The following LINGO2 variants were observed in gnomAD, a reference collection of about 807,000 sequenced individuals.
The protein encoded by LINGO2 is leucine-rich repeat and immunoglobulin-like domain-containing nogo receptor-interacting protein 2.
In LINGO2, 14 loss-of-function variants were observed where a neutral mutation model predicts 30.6. That is an observed-to-expected ratio of 0.46 (90% CI 0.30 to 0.72). The LOEUF (loss-of-function observed/expected upper bound fraction) is 0.72. Ranked by LOEUF, LINGO2 falls within the 30% of genes least tolerant of loss-of-function variation. The pLI, the probability that LINGO2 is intolerant of heterozygous loss-of-function variation, is 0.07. For missense variants in LINGO2, 729 were observed against 751.7 expected, an observed-to-expected ratio of 0.97 and a Z score of 0.35; for synonymous variants, 317 against 288.5, an observed-to-expected ratio of 1.10 and a Z score of -1.00.
At chr9:29,050,338 C>T in the LINGO2 span, among the ~76,000 whole-genome samples, 1 of 152,144 alleles carries the variant, frequency 6.6e-6, no homozygotes, top group Non-Finnish European at 1.5e-5. Context: ...GCGCTTATTT[C>T]ACATTGTATG....
the LINGO2 span, among the ~76,000 whole-genome samples, chr9:28,867,232 A>G: frequency 6.6e-6 from 1 of 152,182 alleles, no homozygotes; most frequent in African/African-American, 2.4e-5. Context: ...AAAAAGAATG[A>G]AAATAGTAGA....
intron 1 of LINGO2, among the ~76,000 whole-genome samples, chr9:28,554,414 A>G (rs1248100207): frequency 7.2e-6 from 1 of 138,310 alleles, no homozygotes; most frequent in African/African-American, 2.8e-5. Context: ...GCCATTACAT[A>G]ATGGTAGAGG....
intron 5 of LINGO2, among the ~76,000 whole-genome samples, chr9:28,002,458 CA>C (rs915784671): frequency 2.0e-4 from 30 of 152,078 alleles, no homozygotes; most frequent in Non-Finnish European, 3.1e-4. Context: ...GGAACTTATT[CA>C]AAAAAATTCT....
intron 2 of LINGO2, among the ~76,000 whole-genome samples, chr9:28,386,033 C>A (rs969639310): frequency 6.6e-6 from 1 of 152,192 alleles, no homozygotes; most frequent in Non-Finnish European, 1.5e-5. Flanking sequence ...AGCATGAAAT[C>A]TTCTTTCCAA....
chr9:28,238,578 G>A (rs1026291391), intron 4 of LINGO2, among the ~76,000 whole-genome samples: 3 of 151,940 alleles, frequency 2.0e-5, no homozygotes, highest in Non-Finnish European at 2.9e-5. Flanking sequence ...AAAGGAAATT[G>A]GAATTTTTTT....
chr9:29,073,077 G>C, the LINGO2 span, among the ~76,000 whole-genome samples: 1 of 151,132 alleles, frequency 6.6e-6, no homozygotes, highest in Non-Finnish European at 1.5e-5. Context: ...CTGTGTCCCT[G>C]AATTTATCTA....
In LINGO2 at chr9:27,955,935, CTT is replaced by C. The variant is rs532878364; in HGVS notation, c.-35-5231_-35-5230del. 4.0e-3 allele frequency among the ~76,000 whole-genome samples: 426 copies of C among 106,762 alleles called. 1 individual carries two copies. The highest frequency in any genetic ancestry group is 0.011 in the African/African-American group (340 of 30,542). 70.0% of individuals were successfully genotyped at this position (106,762 alleles called of 152,430 possible). The stretch of plus-strand genomic sequence containing the variant: ...ATATCCCCTTCGACATGGATACTGA[CTT>C]TTTTTTTTTTTTTTTTTTTGAGACG... On this transcript the variant is annotated intron_variant, in intron 5 of 5. Transcript: ENST00000379992.
intron 1 of LINGO2, among the ~76,000 whole-genome samples, chr9:28,556,501 A>G (rs1177193259): frequency 2.0e-5 from 3 of 152,140 alleles, no homozygotes; most frequent in Non-Finnish European, 4.4e-5. Flanking sequence ...AAAAGAGGAT[A>G]CAAACAAATG....
chr9:28,203,249 C>T (rs1288421789), intron 4 of LINGO2, among the ~76,000 whole-genome samples: 3 of 152,136 alleles, frequency 2.0e-5, no homozygotes, highest in Non-Finnish European at 4.4e-5. Flanking sequence ...ATTCATGTAA[C>T]TACTTGAGAG....
chr9:28,920,296 TAA>T, the LINGO2 span, among the ~76,000 whole-genome samples: 2 of 151,616 alleles, frequency 1.3e-5, no homozygotes, highest in African/African-American at 2.4e-5. Context: ...AGGACTAGTA[TAA>T]TATATATATA....
intron 4 of LINGO2, among the ~76,000 whole-genome samples, chr9:28,165,908 G>C (rs1828414453): frequency 6.6e-6 from 1 of 152,064 alleles, no homozygotes; most frequent in African/African-American, 2.4e-5. Flanking sequence ...AAGAGAAAAG[G>C]GGAGCTAAAA....
the LINGO2 span, among the ~76,000 whole-genome samples, chr9:29,014,356 G>T: frequency 6.6e-6 from 1 of 152,116 alleles, no homozygotes; most frequent in African/African-American, 2.4e-5. Flanking sequence ...TGACACCACT[G>T]CACTTGCCTA....
the LINGO2 span, among the ~76,000 whole-genome samples, chr9:28,987,675 A>T: frequency 8.5e-5 from 13 of 152,140 alleles, no homozygotes; most frequent in African/African-American, 3.1e-4. Flanking sequence ...ATAAGCATTT[A>T]TTGTTATAAA....
At chr9:28,525,362 A>G (rs112804297) in intron 1 of LINGO2, among the ~76,000 whole-genome samples, 18 of 152,312 alleles carry the variant, frequency 1.2e-4, no homozygotes, top group African/African-American at 4.1e-4. Context: ...CACCCATGAA[A>G]AACTTGTACA....
At chr9:28,973,775 T>A in the LINGO2 span, among the ~76,000 whole-genome samples, 7 of 152,182 alleles carry the variant, frequency 4.6e-5, no homozygotes, top group African/African-American at 1.2e-4. Flanking sequence ...ACTTTTACCT[T>A]ATAATAGTGT....
the LINGO2 span, among the ~76,000 whole-genome samples, chr9:28,954,950 T>C: frequency 6.6e-6 from 1 of 152,188 alleles, no homozygotes; most frequent in South Asian, 2.1e-4. Flanking sequence ...ACCCCATACC[T>C]GGGACTGTAA....
intron 1 of LINGO2, among the ~76,000 whole-genome samples, chr9:28,587,576 C>T (rs1000198804): frequency 2.0e-5 from 3 of 151,740 alleles, no homozygotes; most frequent in South Asian, 2.1e-4. Flanking sequence ...GCTTAGTATG[C>T]GATGGGTATG....
intron 4 of LINGO2, among the ~76,000 whole-genome samples, chr9:28,096,975 C>G (rs1336492134): frequency 6.6e-6 from 1 of 151,516 alleles, no homozygotes; most frequent in South Asian, 2.1e-4. Flanking sequence ...TTTATTGATA[C>G]AATCATTCAG....
the LINGO2 span, among the ~76,000 whole-genome samples, chr9:29,141,579 T>A: frequency 6.6e-6 from 1 of 151,750 alleles, no homozygotes; most frequent in African/African-American, 2.4e-5. Context: ...TAAATTGATT[T>A]TAAAATCCAA....
Sources: gnomAD v4.1 joint callset for allele counts (sites outside exome capture counted in the v4.1 genomes callset) on GRCh38, gnomAD v4.1.1 for gene constraint, MANE v1.5 for transcripts, NCBI Gene and HGNC (gene_info 2026-07-23, HGNC 2026-07-21) for gene names.